Variants in ARAP3 observed in about 807,000 individuals in gnomAD.
ARAP3 encodes the protein ArfGAP with RhoGAP domain, ankyrin repeat and PH domain 3, also known as arf-GAP with Rho-GAP domain, ANK repeat and PH domain-containing protein 3.
Under a neutral mutation model 169.2 loss-of-function variants are expected in ARAP3, and 82 were observed. The ratio of observed to expected loss-of-function variants is 0.48; its 90% CI spans 0.41 to 0.58. ARAP3 has a LOEUF of 0.58. Among genes scored for constraint, ARAP3 ranks in the 20% least tolerant of loss-of-function variants. The probability of loss-of-function intolerance (pLI) is 0.00; values close to 1 mark genes in which losing one functional copy is unlikely to be tolerated. For missense variants in ARAP3, 1,764 were observed against 2,018.0 expected (o/e 0.87, Z 2.41); for synonymous variants, 791 against 800.3 (o/e 0.99, Z 0.20).
Position 141,670,648 on chromosome 5 carries a change from T to C in ARAP3, c.1991-20A>G. The C allele has an allele frequency of 1.9e-6, 3 of 1,607,414 alleles. No individual in the cohort carries two copies. Among genetic ancestry groups the C allele is most frequent in the Non-Finnish European group, 2.6e-6 (3 of 1,174,142 alleles). ...AGGGGTCTGCAAGGGGAAGGGGAAG[T>C]AGTCAGGTCAACCAAGTGCAACGGG... On this transcript the variant is annotated intron_variant, in intron 13 of 32. Transcript: ENST00000239440.
Position 141,671,162 on chromosome 5 carries a change from T to C in ARAP3, c.1990+103A>G. 2 of 1,455,550 alleles carry C rather than the reference T, an allele frequency of 1.4e-6. No individual in the cohort carries two copies. Among genetic ancestry groups the C allele is most frequent in the Non-Finnish European group, 1.9e-6 (2 of 1,075,636 alleles). The allele number at this position is 1,455,550 out of a possible 1,614,324, so 90.2% of individuals were successfully genotyped here. The stretch of plus-strand genomic sequence containing the variant: ...TGAGGGTTTGGGAAACTGCCCAGGC[T>C]GGGCCATTGTGATCAGCTAATTGGG... On this transcript the variant is annotated intron_variant, in intron 13 of 32. Transcript: ENST00000239440. The surrounding 1 kb of genome is among the most constrained non-coding windows in gnomAD (Gnocchi z 4.9).
chr5:141,659,806 G>A lies in ARAP3; in HGVS notation c.3240C>T (p.Leu1080=). ...CAAAGACAGAGATGTAGCCATCAAT[G>A]AGCTCTTGCAGCACTCGCACCTCGT... The part of the protein sequence containing the change: ...GEHEVRVLQE[L]IDGYISVFDI... The change falls in exon 22 of 33, where the codon CTC becomes CTT. Residue 1080 remains leucine, a synonymous_variant. Coordinates refer to ENST00000239440, the MANE Select transcript of ARAP3 (RefSeq NM_022481.6). 1.2e-6 allele frequency: 2 copies of A among 1,612,662 alleles called. No homozygotes were observed. Among genetic ancestry groups the A allele is most frequent in the Non-Finnish European group, 8.5e-7 (1 of 1,179,280 alleles).
chr5:141,680,122 C>A lies in ARAP3; in HGVS notation c.365G>T (p.Gly122Val), dbSNP rs1361661850. 1.2e-6 allele frequency: 2 copies of A among 1,611,512 alleles called. No individual in the cohort carries two copies. Among genetic ancestry groups the A allele is most frequent in the South Asian group, 1.1e-5 (1 of 90,892 alleles). ...CTCTGGGCTCCTGGACACTCCTGGT[C>A]CCCCGAGGGCTGGGCTCAGCCCAGG... ...QRPGLSPALG[G>V]PGVSRSPEPS... The change falls in exon 2 of 33, where the codon GGA (glycine) becomes GTA (valine). Residue 122 changes from glycine (G) to valine (V), a missense_variant. Coordinates refer to ENST00000239440, the MANE Select transcript of ARAP3 (RefSeq NM_022481.6).
In ARAP3 at chr5:141,658,352, T is replaced by C; in HGVS notation, c.3526+13A>G. The C allele has an allele frequency of 6.2e-7, 1 of 1,612,228 alleles. No homozygotes were observed. Among genetic ancestry groups the C allele is most frequent in the Non-Finnish European group, 8.5e-7 (1 of 1,179,774 alleles). ...ATACACATGCATGAACACACAGGCGTGGTCATACTCACCCAGCTCCCCATG... is the reference window on the plus strand; with the variant it reads ...ATACACATGCATGAACACACAGGCGCGGTCATACTCACCCAGCTCCCCATG... On this transcript the variant is annotated intron_variant, in intron 25 of 32. Transcript: ENST00000239440.
Position 141,672,139 on chromosome 5 carries a change from A to G in ARAP3, c.1548T>C (p.Ala516=), listed in dbSNP as rs1246551490. The change falls in exon 10 of 33, where the codon GCT becomes GCC. Residue 516 remains alanine (A), a synonymous_variant. Coordinates refer to ENST00000239440, the MANE Select transcript of ARAP3 (RefSeq NM_022481.6). This position sits in a 1 kb window ranked among gnomAD's most constrained non-coding sequence, Gnocchi z 4.9. ...TGCAGATGACCACCCCCAAATTGAC[A>G]GCAGCCCAATCTGGGCGGGAGGACC... is the stretch of plus-strand genomic sequence containing the variant. The part of the protein sequence containing the change: ...DCGSSRPDWA[A]VNLGVVICKQ... 4 of 1,614,034 alleles carry G rather than the reference A, an allele frequency of 2.5e-6. No individual in the cohort carries two copies. The African/African-American group carries it at 4.0e-5, about 16-fold the overall frequency.
chr5:141,673,956 C>CTTTT, intron 4 of ARAP3, 148 bp from the exon 5 acceptor site: 1 of 541,048 alleles, frequency 1.8e-6, no homozygotes, highest in South Asian at 3.0e-5. Context: ...CTTTTCTTTT[C>CTTTT]TTCTTTTTTT....
chr5:141,654,515 T>G, intron 32 of ARAP3, 80 bp from the exon 33 acceptor site: 3 of 1,497,386 alleles, frequency 2.0e-6, no homozygotes, highest in Non-Finnish European at 2.7e-6. Context: ...ACTGAGCTCT[T>G]CCTCTGGGCC....
chr5:141,665,125 G>A lies in ARAP3; in HGVS notation c.2637-40C>T, dbSNP rs755759003. On this transcript the variant is annotated intron_variant, in intron 18 of 32. Coordinates refer to ENST00000239440, the MANE Select transcript of ARAP3 (RefSeq NM_022481.6). ...GCCTGAATCAGAGCCAGCTCCGACA[G>A]GCCCAGATGCATGGGGACCAGACTT... 3.2e-6 allele frequency: 5 copies of A among 1,585,912 alleles called. No homozygotes were observed. The African/African-American group carries it at 5.4e-5, about 17-fold the overall frequency.
chr5:141,655,556 G>T, intron 31 of ARAP3, 65 bp downstream of exon 31: 1 of 1,611,476 alleles, frequency 6.2e-7, no homozygotes, highest in Non-Finnish European at 8.5e-7. Flanking sequence ...GCACACCACT[G>T]CCTACTGCAA....
chr5:141,655,225 T>TACACACAC (rs148481472), intron 32 of ARAP3, 137 bp downstream of exon 32: 6,755 of 489,736 alleles, frequency 0.014, 103 homozygotes, highest in South Asian at 0.03. Context: ...CCTGATGGCC[T>TACACACAC]ACACACACAC....
intron 3 of ARAP3, 45 bp from the exon 4 acceptor site, chr5:141,679,701 G>A: frequency 6.2e-7 from 1 of 1,613,766 alleles, no homozygotes; most frequent in Non-Finnish European, 8.5e-7. Context: ...GAGATCGCTG[G>A]GAGTGTATGA....
At chr5:141,654,478 T>C (rs1208017098) in intron 32 of ARAP3, 43 bp from the exon 33 acceptor site, 2 of 1,516,022 alleles carry the variant, frequency 1.3e-6, no homozygotes, top group Admixed American at 2.2e-5. Context: ...ATAGTTAAAG[T>C]TACCAGATTA....
Position 141,666,594 on chromosome 5 carries a change from C to A in ARAP3, c.2402G>T (p.Arg801Leu). 1 of 1,508,740 alleles carries A rather than the reference C, an allele frequency of 6.6e-7. No homozygotes were observed. The highest frequency in any genetic ancestry group is 8.9e-7 in the Non-Finnish European group (1 of 1,126,110). 93.5% of individuals were successfully genotyped at this position (1,508,740 alleles called of 1,614,324 possible). A position where few individuals can be genotyped will look rare whatever the true frequency, so the allele number is the denominator to read the frequency against. The change falls in exon 17 of 33, where the codon CGG becomes CTG. Residue 801 changes from arginine to leucine, a missense_variant. Around this residue, in one of 3 missense-constraint regions of ARAP3, gnomAD observed 1,112 missense variants for 1,285.7 expected, o/e 0.86. Coordinates refer to ENST00000239440, the MANE Select transcript of ARAP3 (RefSeq NM_022481.6). The part of the protein sequence containing the change: ...CHQLLGPGLL[R>L]LGRLWLRSPS... Reference sequence around the variant, plus strand: ...GGACCGCAGCCATAGGCGGCCCAGCCGCAGCAGCCCGGGGCCCAGCAGCTG... The same window carrying A: ...GGACCGCAGCCATAGGCGGCCCAGCAGCAGCAGCCCGGGGCCCAGCAGCTG...
rs1021803315 is a variant in ARAP3, at chr5:141,679,768, T to G, written c.579A>C (p.Thr193=). Residue 193 remains threonine (T), a synonymous_variant, in exon 3 of 33, where the codon ACA becomes ACC. Transcript: ENST00000239440. ...SAPTPALRPT[T]GTVHIMDPGC... Reference sequence around the variant, plus strand: ...CCGTGATAACCCAGTTACCTGTGCCTGTTGTGGGCCTGAGGGCAGGGGTGG... The same window carrying G: ...CCGTGATAACCCAGTTACCTGTGCCGGTTGTGGGCCTGAGGGCAGGGGTGG... The G allele has an allele frequency of 1.4e-5, 23 of 1,613,932 alleles. No homozygotes were observed. The highest frequency in any genetic ancestry group is 6.7e-5 in the African/African-American group (5 of 74,892).
Position 141,653,548 on chromosome 5 carries a change from G to A in ARAP3, c.*402C>T, listed in dbSNP as rs1328287221. ...CAGGATAGACTTTAACATCACCCAG[G>A]CCTCTGGTTTCCAAAGCATTTTTTT... On this transcript the variant is annotated 3_prime_UTR_variant, in exon 33 of 33. Transcript: ENST00000239440. The A allele has an allele frequency of 6.4e-6, 1 of 157,266 alleles. No individual in the cohort carries two copies. The highest frequency in any genetic ancestry group is 1.4e-5 in the Non-Finnish European group (1 of 71,330). The allele number at this position is 157,266 out of a possible 1,614,324, so 9.7% of individuals were successfully genotyped here. A position where few individuals can be genotyped will look rare whatever the true frequency, so the allele number is the denominator to read the frequency against.
Position 141,670,585 on chromosome 5 carries a change from A to G in ARAP3, c.2034T>C (p.Thr678=). ...GVYNEVVVRA[T]YSGFLYCSPV... is the part of the protein sequence containing the mutation. ...GACTGCAGTACAGGAAGCCGCTGTA[A>G]GTAGCACGCACCACCACCTCATTGT... Residue 678 remains threonine (T), a synonymous_variant, in exon 14 of 33, where the codon ACT becomes ACC. Coordinates refer to ENST00000239440, the MANE Select transcript of ARAP3 (RefSeq NM_022481.6). 1 of 1,614,108 alleles carries G rather than the reference A, an allele frequency of 6.2e-7. No individual in the cohort carries two copies. Among genetic ancestry groups the G allele is most frequent in the Non-Finnish European group, 8.5e-7 (1 of 1,179,974 alleles).
Position 141,659,912 on chromosome 5 carries a change from G to A in ARAP3, c.3134C>T (p.Ala1045Val), listed in dbSNP as rs368544318. The A allele has an allele frequency of 7.4e-5, 115 of 1,564,426 alleles. No homozygotes were observed. Among genetic ancestry groups the A allele is most frequent in the Non-Finnish European group, 9.5e-5 (109 of 1,153,170 alleles). Residue 1045 changes from alanine to valine, a missense_variant, in exon 22 of 33, where the codon GCG becomes GTG. Physicochemically the swap from Ala to Val is moderately conservative, Grantham distance 64. Around this residue, in one of 3 missense-constraint regions of ARAP3, gnomAD observed 1,112 missense variants for 1,285.7 expected, o/e 0.86. Transcript: ENST00000239440. ...IGHLYRVQKC[A>V]ALNQMCTRNL... ...CCGCGTGCACATCTGGTTTAGAGCC[G>A]CACATTTCTGCACCCTGCAGAGGGG... is the stretch of plus-strand genomic sequence containing the variant.
In ARAP3 at chr5:141,659,860, G is replaced by A. The variant is rs773429625; in HGVS notation, c.3186C>T (p.Ser1062=). The A allele has an allele frequency of 2.9e-5, 46 of 1,601,892 alleles. No individual in the cohort carries two copies. The highest frequency in any genetic ancestry group is 6.7e-5 in the African/African-American group (5 of 74,894). ...CCCCTCGCCCATCCGTCTGGAACAC[G>A]CTGGGTGCAAACAGCAGAGCCAAGT... The part of the protein sequence containing the change: ...TRNLALLFAP[S]VFQTDGRGEH... Residue 1062 remains serine (S), a synonymous_variant, in exon 22 of 33, where the codon AGC becomes AGT. Transcript: ENST00000239440.
chr5:141,671,260 A>G lies in ARAP3; in HGVS notation c.1990+5T>C. 10 of 1,593,614 alleles carry G rather than the reference A, an allele frequency of 6.3e-6. No homozygotes were observed. The highest frequency in any genetic ancestry group is 8.5e-6 in the Non-Finnish European group (10 of 1,170,662). On this transcript the variant is annotated splice_donor_5th_base_variant and intron_variant, in intron 13 of 32. Transcript: ENST00000239440. This position sits in a 1 kb window ranked among gnomAD's most constrained non-coding sequence, Gnocchi z 4.9. ...GGGGAGAGAGGAGGCACTTGGGGGA[A>G]TGACCTGAGGGCAAGAGGCCAGGGC...
Sources: gnomAD v4.1 joint callset for allele counts on GRCh38, gnomAD v4.1.1 for gene constraint, gnomAD v4.1.1 regional missense constraint, Gnocchi (gnomAD v3.1) non-coding constraint, MANE v1.5 for transcripts, NCBI Gene and HGNC (gene_info 2026-07-23, HGNC 2026-07-21) for gene names.